Variants in GRM8 observed in about 807,000 individuals in gnomAD.
GRM8 encodes the protein glutamate metabotropic receptor 8.
GRM8 carries 47 observed loss-of-function variants against 87.2 expected under a neutral mutation model. That is an observed-to-expected ratio of 0.54 (90% confidence interval 0.43 to 0.69). The LOEUF is 0.69. GRM8 is among the 30% of genes least tolerant of loss of function. The probability of loss-of-function intolerance (pLI) is 0.00; values close to 1 mark genes in which losing one functional copy is unlikely to be tolerated. For missense variants in GRM8, 1,019 were observed against 1,139.2 expected, an observed-to-expected ratio of 0.89 and a Z score of 1.52; for synonymous variants, 396 against 404.5, an observed-to-expected ratio of 0.98 and a Z score of 0.25.
chr7:127,249,862 ACCT>A (rs1180378475), intron 1 of GRM8, among the ~76,000 whole-genome samples: 4 of 152,072 alleles, frequency 2.6e-5, no homozygotes, highest in African/African-American at 9.7e-5. Context: ...AGTTTCCTGA[ACCT>A]CCGCAAGCCA....
Position 126,532,941 on chromosome 7 carries a change from C to G in GRM8, c.2430+11G>C. On this transcript the variant is annotated intron_variant, in intron 9 of 10. Transcript: ENST00000339582. ...AGGAAAAAGTTGTCAAGTGTATTTC[C>G]TTCTACTTACCTTTTCTGCTGACTG... The G allele has an allele frequency of 6.4e-7, 1 of 1,557,822 alleles. No individual in the cohort carries two copies. The highest frequency in any genetic ancestry group is 8.8e-7 in the Non-Finnish European group (1 of 1,141,060).
intron 7 of GRM8, among the ~76,000 whole-genome samples, chr7:126,730,728 T>C (rs1383081419): frequency 2.0e-5 from 3 of 152,098 alleles, no homozygotes; most frequent in Non-Finnish European, 2.9e-5. Flanking sequence ...TGCTTAAATA[T>C]GAGGCTCAAT....
intron 2 of GRM8, among the ~76,000 whole-genome samples, chr7:127,179,011 A>G (rs1410038903): frequency 6.6e-6 from 1 of 152,142 alleles, no homozygotes; most frequent in Non-Finnish European, 1.5e-5. Context: ...TACCTCACAT[A>G]TCAATACTAC....
intron 8 of GRM8, among the ~76,000 whole-genome samples, chr7:126,555,253 T>A (rs796316637): frequency 6.6e-6 from 1 of 152,218 alleles, no homozygotes; most frequent in South Asian, 2.1e-4. Context: ...CTAAGTTAGG[T>A]TGCAGAGTGC....
At chr7:126,833,627 G>A (rs375943181) in intron 6 of GRM8, among the ~76,000 whole-genome samples, 10 of 152,160 alleles carry the variant, frequency 6.6e-5, no homozygotes, top group Non-Finnish European at 1.0e-4. Context: ...TCTCTTTCTC[G>A]TCTTATAAGC....
intron 9 of GRM8, chr7:126,512,331 C>G (rs570192557): frequency 3.3e-5 from 5 of 152,196 alleles, no homozygotes; most frequent in African/African-American, 1.2e-4. Flanking sequence ...CAGAACAGAC[C>G]TCCATATTAT....
At chr7:126,798,930 G>A (rs1822314221) in intron 6 of GRM8, among the ~76,000 whole-genome samples, 1 of 152,066 alleles carries the variant, frequency 6.6e-6, no homozygotes, top group African/African-American at 2.4e-5. Context: ...TAATAACTTG[G>A]AGCAAAAGTT....
At chr7:126,729,237 G>T (rs1440085160) in intron 7 of GRM8, among the ~76,000 whole-genome samples, 1 of 152,128 alleles carries the variant, frequency 6.6e-6, no homozygotes, top group Non-Finnish European at 1.5e-5. Flanking sequence ...ATTCCAGAGT[G>T]CTCTGATGGC....
chr7:126,567,828 A>G (rs896758940), intron 8 of GRM8, among the ~76,000 whole-genome samples: 1 of 152,130 alleles, frequency 6.6e-6, no homozygotes, highest in Admixed American at 6.6e-5. Flanking sequence ...ACCCACCATC[A>G]TCCTTGCCCA....
chr7:127,223,302 C>CA (rs1797056729), intron 2 of GRM8, among the ~76,000 whole-genome samples: 1 of 151,932 alleles, frequency 6.6e-6, no homozygotes, highest in East Asian at 1.9e-4. Flanking sequence ...ACACATAGAC[C>CA]AAAAACAAAT....
At chr7:126,996,601 G>T (rs17863174) in intron 3 of GRM8, among the ~76,000 whole-genome samples, 48,664 of 151,598 alleles carry the variant, frequency 0.32, 8,174 homozygotes, top group African/African-American at 0.39. Context: ...CAAATAAATG[G>T]AATATTTCAT....
At chr7:126,625,348 G>T (rs1004506863) in intron 7 of GRM8, among the ~76,000 whole-genome samples, 5 of 151,676 alleles carry the variant, frequency 3.3e-5, no homozygotes, top group South Asian at 2.1e-4. Context: ...TACACAATTC[G>T]TTTCCATAAA....
At chr7:127,193,886 A>G (rs960219751) in intron 2 of GRM8, among the ~76,000 whole-genome samples, 2 of 152,202 alleles carry the variant, frequency 1.3e-5, no homozygotes, top group Non-Finnish European at 2.9e-5. Context: ...AAACAAACAT[A>G]AAAATACAAC....
intron 3 of GRM8, among the ~76,000 whole-genome samples, chr7:127,023,803 T>C (rs1816503862): frequency 6.6e-6 from 1 of 152,230 alleles, no homozygotes; most frequent in Non-Finnish European, 1.5e-5. Context: ...TGGAATCTTG[T>C]TTGCTCATTA....
In GRM8 at chr7:127,000,917, T is replaced by C. The variant is rs140237515; in HGVS notation, c.728-96234A>G. Among the ~76,000 whole-genome samples, 396 of 151,842 alleles carry C rather than the reference T, an allele frequency of 2.6e-3. 4 individuals are homozygous for C. The highest frequency in any genetic ancestry group is 9.2e-3 in the African/African-American group (380 of 41,516). ...AAAACAAAACCCTAGGAGACTTTTT[T>C]ATGAAATCTACAAATTGATTGTGAA... On this transcript the variant is annotated intron_variant, in intron 3 of 10. Transcript: ENST00000339582.
At chr7:126,530,694 C>G (rs892260497) in intron 9 of GRM8, among the ~76,000 whole-genome samples, 2 of 152,236 alleles carry the variant, frequency 1.3e-5, no homozygotes, top group African/African-American at 4.8e-5. Context: ...CTTTGGTCCT[C>G]CAAGGTCAAT....
chr7:126,648,864 T>C (rs1263069108), intron 7 of GRM8, among the ~76,000 whole-genome samples: 2 of 152,226 alleles, frequency 1.3e-5, no homozygotes, highest in Non-Finnish European at 2.9e-5. Flanking sequence ...GGAAACACCA[T>C]ATTCCCACCA....
chr7:126,972,508 T>C (rs17868965), intron 3 of GRM8, among the ~76,000 whole-genome samples: 2 of 152,136 alleles, frequency 1.3e-5, no homozygotes, highest in Non-Finnish European at 2.9e-5. Context: ...CTTTTTTTTT[T>C]AACTAAGCAA....
intron 3 of GRM8, among the ~76,000 whole-genome samples, chr7:127,008,813 T>G (rs1224081058): frequency 6.6e-6 from 1 of 152,116 alleles, no homozygotes; most frequent in Non-Finnish European, 1.5e-5. Context: ...TTCTATATAG[T>G]GAAAGTAAAA....
Sources: allele counts gnomAD v4.1 joint callset (sites outside exome capture counted in the v4.1 genomes callset), GRCh38; gene constraint gnomAD v4.1.1; transcripts MANE v1.5; gene names NCBI Gene and HGNC (gene_info 2026-07-23, HGNC 2026-07-21).